Variants in UHMK1 observed in about 807,000 individuals in gnomAD.
UHMK1 encodes the protein U2AF homology motif kinase 1.
UHMK1 carries 18 observed loss-of-function variants against 44.0 expected under a neutral mutation model. The observed-to-expected ratio is 0.41, with a 90% CI of 0.28 to 0.61. UHMK1 has a LOEUF of 0.61. Among genes scored for constraint, UHMK1 ranks in the 20% least tolerant of loss-of-function variants. UHMK1 has a pLI of 0.31. For missense variants in UHMK1, 463 were observed against 522.5 expected (o/e 0.89, Z 1.11); for synonymous variants, 231 against 198.5 (o/e 1.16, Z -1.38).
chr1:162,503,611 C>T, intron 3 of UHMK1, 143 bp from the exon 4 acceptor site: 1 of 356,082 alleles, frequency 2.8e-6, no homozygotes, highest in South Asian at 4.1e-5. Flanking sequence ...ACCCTGTCTC[C>T]AAAAAAAAAA....
chr1:162,520,843 T>C (rs1165789199), intron 7 of UHMK1, among the ~76,000 whole-genome samples: 2 of 152,180 alleles, frequency 1.3e-5, no homozygotes, highest in African/African-American at 4.8e-5. Flanking sequence ...AATGAAGGAC[T>C]GACATGATCT....
chr1:162,503,863 C>T lies in UHMK1; in HGVS notation c.848+15C>T. ...CTTATCAAAAGGTATGTTACACGTA[C>T]CATAAACTTGCTTTGCATTCATGTA... is the stretch of plus-strand genomic sequence containing the variant. On this transcript the variant is annotated intron_variant, in intron 4 of 7. Coordinates refer to ENST00000489294, the MANE Select transcript of UHMK1 (RefSeq NM_175866.5). The T allele has an allele frequency of 1.2e-6, 2 of 1,607,332 alleles. No individual in the cohort carries two copies. The highest frequency in any genetic ancestry group is 8.5e-7 in the Non-Finnish European group (1 of 1,174,680).
intron 7 of UHMK1, 32 bp downstream of exon 7, chr1:162,518,222 T>C: frequency 6.8e-7 from 1 of 1,462,986 alleles, no homozygotes; most frequent in Non-Finnish European, 9.6e-7. Flanking sequence ...TGCAGATTAC[T>C]CAGAGGTTAT....
intron 7 of UHMK1, among the ~76,000 whole-genome samples, chr1:162,520,800 T>C (rs112067851): frequency 7.7e-4 from 117 of 152,262 alleles, no homozygotes; most frequent in African/African-American, 2.7e-3. Flanking sequence ...TTGGCTTTTA[T>C]TCTGAACTAG....
chr1:162,500,409 C>A, intron 2 of UHMK1, 162 bp downstream of exon 2: 1 of 810,752 alleles, frequency 1.2e-6, no homozygotes, highest in Non-Finnish European at 1.9e-6. Flanking sequence ...TTCAGTGCCA[C>A]CGTGTAAAAA....
chr1:162,500,796 T>G, intron 2 of UHMK1, 117 bp from the exon 3 acceptor site: 1 of 1,008,236 alleles, frequency 9.9e-7, no homozygotes, highest in African/African-American at 1.6e-5. Flanking sequence ...CTAAAAATTT[T>G]TAGCATTTAG....
At chr1:162,504,620 G>A (rs534130430) in intron 4 of UHMK1, among the ~76,000 whole-genome samples, 7 of 152,164 alleles carry the variant, frequency 4.6e-5, no homozygotes, top group African/African-American at 1.7e-4. Flanking sequence ...TACCTTATAG[G>A]GCACTTTACC....
chr1:162,518,338 C>A, intron 7 of UHMK1, 148 bp downstream of exon 7: 1 of 567,816 alleles, frequency 1.8e-6, no homozygotes, highest in Non-Finnish European at 3.1e-6. Flanking sequence ...CTGACTTGTA[C>A]TTTTTACTTC....
chr1:162,502,907 C>T (rs1316365399), intron 3 of UHMK1, among the ~76,000 whole-genome samples: 1 of 151,568 alleles, frequency 6.6e-6, no homozygotes, highest in Admixed American at 6.6e-5. Context: ...TAGCAAACAG[C>T]TCATGGTAAG....
At chr1:162,518,540 G>A (rs1010241996) in intron 7 of UHMK1, among the ~76,000 whole-genome samples, 1 of 151,910 alleles carries the variant, frequency 6.6e-6, no homozygotes, top group Admixed American at 6.6e-5. Flanking sequence ...AAGTTAGCCA[G>A]GCGTGGTGGC....
At position 162,503,735 on chromosome 1, in the gene UHMK1, C is replaced by T. The variant is rs1350513154; in HGVS notation, c.754-19C>T. The stretch of plus-strand genomic sequence containing the variant: ...TACAGACTGAATAACCAAAGGAAAA[C>T]TTTTCTCCGTTTTTTAAGGCAAACA... On this transcript the variant is annotated intron_variant, in intron 3 of 7. Coordinates refer to ENST00000489294, the MANE Select transcript of UHMK1 (RefSeq NM_175866.5). 2 of 1,605,086 alleles carry T rather than the reference C, an allele frequency of 1.2e-6. No individual in the cohort carries two copies. Among genetic ancestry groups the T allele is most frequent in the East Asian group, 2.2e-5 (1 of 44,674 alleles).
upstream of UHMK1, chr1:162,497,310 C>T: frequency 1.4e-6 from 1 of 702,312 alleles, no homozygotes; most frequent in Non-Finnish European, 2.6e-6. Flanking sequence ...TGAGGCTAGT[C>T]GGACCCCCAC....
At chr1:162,512,357 T>C in intron 4 of UHMK1, 143 bp from the exon 5 acceptor site, 1 of 657,044 alleles carries the variant, frequency 1.5e-6, no homozygotes, top group Non-Finnish European at 2.6e-6. Context: ...TAAATAGCAT[T>C]TGTATTTATA....
At chr1:162,516,657 GATAGTTTAAAGAAAAAATATTT>G (rs1277332054) in intron 6 of UHMK1, among the ~76,000 whole-genome samples, 43 of 152,138 alleles carry the variant, frequency 2.8e-4, no homozygotes, top group Middle Eastern at 3.4e-3. Flanking sequence ...AAAGACAAAG[GATAGTTTAAAGAAAAAATATTT>G]ATAGTTTAAA....
rs972338666 is a variant in UHMK1 at position 162,522,581 on chromosome 1, C to G, written c.*31C>G. On this transcript the variant is annotated 3_prime_UTR_variant, in exon 8 of 8. Coordinates refer to ENST00000489294, the MANE Select transcript of UHMK1 (RefSeq NM_175866.5). ...AACCTAAGGACTGTTTCCTTTTTCTCCTCTTCCATTTCTTGGGTTATTCCA... is the reference window on the plus strand; with the variant it reads ...AACCTAAGGACTGTTTCCTTTTTCTGCTCTTCCATTTCTTGGGTTATTCCA... 6.2e-7 allele frequency: 1 copy of G among 1,602,082 alleles called. No homozygotes were observed. The highest frequency in any genetic ancestry group is 8.5e-7 in the Non-Finnish European group (1 of 1,174,362).
rs942990334 is a variant in UHMK1, at chr1:162,497,866, C to T, written c.-135C>T. ...CCGGTGTCATGGCTGCTTGAAGTCC[C>T]GGGAGTCGGTGAGGCGGCTGCAGGT... On this transcript the variant is annotated 5_prime_UTR_variant, in exon 1 of 8. Coordinates refer to ENST00000489294, the MANE Select transcript of UHMK1 (RefSeq NM_175866.5). 1.4e-6 allele frequency: 2 copies of T among 1,391,832 alleles called. No individual in the cohort carries two copies. Among genetic ancestry groups the T allele is most frequent in the Non-Finnish European group, 1.9e-6 (2 of 1,079,132 alleles). The allele number at this position is 1,391,832 out of a possible 1,614,324, so 86.2% of individuals were successfully genotyped here. A position where few individuals can be genotyped will look rare whatever the true frequency, so the allele number is the denominator to read the frequency against.
chr1:162,503,897 A>G, intron 4 of UHMK1, 49 bp downstream of exon 4: 1 of 1,395,672 alleles, frequency 7.2e-7, no homozygotes, highest in Non-Finnish European at 1.0e-6. Context: ...TACTATGTGA[A>G]ATGGTACGTC....
intron 7 of UHMK1, 24 bp from the exon 8 acceptor site, chr1:162,522,380 G>GT (rs775368100): frequency 5.0e-6 from 8 of 1,613,070 alleles, no homozygotes; most frequent in Non-Finnish European, 5.9e-6. Flanking sequence ...GAAATGAAAT[G>GT]TTTTTTTCTC....
Position 162,517,777 on chromosome 1 carries a change from C to T in UHMK1, c.1025-325C>T, listed in dbSNP as rs556963265. ...GTGCACGCCTGTAGTCCCAGCTACT[C>T]GGGAGGCTGAGGGAGAAGAATCGCT... On this transcript the variant is annotated intron_variant, in intron 6 of 7. Transcript: ENST00000489294. 9.9e-5 allele frequency among the ~76,000 whole-genome samples: 15 copies of T among 151,686 alleles called. No homozygotes were observed. In the South Asian group the frequency reaches 2.1e-3, roughly 21 times the overall value.
Sources: gnomAD v4.1 joint callset for allele counts (sites outside exome capture counted in the v4.1 genomes callset) on GRCh38, gnomAD v4.1.1 for gene constraint, MANE v1.5 for transcripts, NCBI Gene and HGNC (gene_info 2026-07-23, HGNC 2026-07-21) for gene names.